The following VWA8 variants were observed in gnomAD, a reference collection of about 807,000 sequenced individuals.
The protein encoded by VWA8 is von Willebrand factor A domain containing 8.
VWA8 carries 221 observed loss-of-function variants against 241.5 expected under a neutral mutation model. The ratio of observed to expected loss-of-function variants is 0.91; its 90% CI spans 0.82 to 1.02. The LOEUF is 1.02. VWA8 is among the 50% of genes least tolerant of loss of function. The pLI, the probability that VWA8 is intolerant of heterozygous loss-of-function variation, is 0.00. For missense variants in VWA8, 2,322 were observed against 2,328.7 expected, an observed-to-expected ratio of 1.00 and a Z score of 0.06; for synonymous variants, 852 against 827.1, an observed-to-expected ratio of 1.03 and a Z score of -0.52.
At chr13:41,903,180 C>G (rs922907986) in intron 4 of VWA8, among the ~76,000 whole-genome samples, 2 of 152,088 alleles carry the variant, frequency 1.3e-5, no homozygotes, top group African/African-American at 4.8e-5. Flanking sequence ...TGGAAATTAT[C>G]CATTGTGATG....
chr13:41,920,632 A>C (rs1482635373), intron 2 of VWA8, among the ~76,000 whole-genome samples: 1 of 152,234 alleles, frequency 6.6e-6, no homozygotes. Flanking sequence ...ACAGAAATAC[A>C]AACTACCATG....
rs886248935 is a variant in VWA8 at position 41,739,940 on chromosome 13, C to T, written c.2427-7785G>A. ...CACAATCTCAGCTCACTGCAAGCTCCGCCTCCCAGGTTCATGTCATTCTCC... is the reference window on the plus strand; with the variant it reads ...CACAATCTCAGCTCACTGCAAGCTCTGCCTCCCAGGTTCATGTCATTCTCC... On this transcript the variant is annotated intron_variant, in intron 21 of 44. Transcript: ENST00000379310. Among the ~76,000 whole-genome samples, 9 of 150,136 alleles carry T rather than the reference C, an allele frequency of 6.0e-5. No individual in the cohort carries two copies. In the East Asian group the frequency reaches 7.9e-4, roughly 13 times the overall value.
intron 4 of VWA8, chr13:41,905,213 T>G (rs1257019632): frequency 6.6e-6 from 1 of 151,966 alleles, no homozygotes; most frequent in Non-Finnish European, 1.5e-5. Flanking sequence ...TCATAAAGCA[T>G]TCCATTTTTT....
At chr13:41,771,317 T>C (rs2045821420) in intron 20 of VWA8, among the ~76,000 whole-genome samples, 1 of 152,108 alleles carries the variant, frequency 6.6e-6, no homozygotes, top group African/African-American at 2.4e-5. Context: ...GAGACAGAGT[T>C]TCACCATGTT....
intron 17 of VWA8, among the ~76,000 whole-genome samples, chr13:41,808,917 G>T (rs1196354896): frequency 6.6e-6 from 1 of 151,186 alleles, no homozygotes; most frequent in East Asian, 1.9e-4. Context: ...AAAGTTGCAG[G>T]ACACAAAATC....
rs1875788250 is a variant in VWA8, at chr13:41,907,663, G to A, written c.406C>T (p.Leu136=). 6.2e-7 allele frequency: 1 copy of A among 1,614,020 alleles called. No individual in the cohort carries two copies. The highest frequency in any genetic ancestry group is 1.3e-5 in the African/African-American group (1 of 74,936). ...TCAGTTTCAGTGGTGTCCCTTGACAGGGCAATGTATTCGACCTCCCGTTTG... is the reference window on the plus strand; with the variant it reads ...TCAGTTTCAGTGGTGTCCCTTGACAAGGCAATGTATTCGACCTCCCGTTTG... ...LTKREVEYIA[L]SRDTTETDLK... is the part of the protein sequence containing the mutation. Residue 136 remains leucine, a synonymous_variant, in exon 4 of 45, where the codon CTG becomes TTG. Transcript: ENST00000379310.
chr13:41,898,699 G>A (rs991513895), intron 4 of VWA8, among the ~76,000 whole-genome samples: 10 of 152,208 alleles, frequency 6.6e-5, no homozygotes, highest in African/African-American at 1.9e-4. Context: ...CAGGCATGGC[G>A]GGCTGCAGTC....
chr13:41,686,823 T>C (rs1451678754), intron 34 of VWA8, among the ~76,000 whole-genome samples: 3 of 152,114 alleles, frequency 2.0e-5, no homozygotes, highest in Non-Finnish European at 4.4e-5. Context: ...TGACAGCCCA[T>C]AGGGGCTGCA....
At chr13:41,765,176 G>C (rs759412774) in intron 20 of VWA8, among the ~76,000 whole-genome samples, 4 of 151,860 alleles carry the variant, frequency 2.6e-5, no homozygotes, top group African/African-American at 4.8e-5. Context: ...AATTAGCTGG[G>C]TGGGGGAGGG....
rs190546307 is a variant in VWA8 at position 41,829,476 on chromosome 13, G to A, written c.1700+1053C>T. On this transcript the variant is annotated intron_variant, in intron 14 of 44. Transcript: ENST00000379310. ...TAGCAACAGAATTCACAATTGCAAA[G>A]ATATGGAACCAACCTAAGTGCCTAT... 2.3e-4 allele frequency among the ~76,000 whole-genome samples: 34 copies of A among 150,948 alleles called. No individual in the cohort carries two copies. In the East Asian group the frequency reaches 6.6e-3, roughly 29 times the overall value.
At chr13:41,934,797 A>G (rs541151943) in intron 2 of VWA8, among the ~76,000 whole-genome samples, 5 of 152,172 alleles carry the variant, frequency 3.3e-5, no homozygotes, top group Admixed American at 3.3e-4. Flanking sequence ...TTGGGGAGAT[A>G]AATTTATTTG....
chr13:41,924,992 CAG>C lies in VWA8; in HGVS notation c.242-12826_242-12825del, dbSNP rs149364633. ...TTATAATTAGTCTGTCAGTCAAAGA[CAG>C]AGAGTTTTAAAAGCAGCAAAAGAAA... On this transcript the variant is annotated intron_variant, in intron 2 of 44. Transcript: ENST00000379310. Among the ~76,000 whole-genome samples the C allele has an allele frequency of 6.3e-3, 965 of 152,158 alleles. 9 individuals carry two copies. The highest frequency in any genetic ancestry group is 0.022 in the African/African-American group (922 of 41,510).
Position 41,934,443 on chromosome 13 carries a change from G to A in VWA8, c.241+15493C>T, listed in dbSNP as rs1877261186. ...AAAAGTTAAACATCTACCGCATGAT[G>A]CAGGTATTTACACAAGAAAAAAGAA... is the stretch of plus-strand genomic sequence containing the variant. On this transcript the variant is annotated intron_variant, in intron 2 of 44. Coordinates refer to ENST00000379310, the MANE Select transcript of VWA8 (RefSeq NM_015058.2). 2.0e-5 allele frequency among the ~76,000 whole-genome samples: 3 copies of A among 151,990 alleles called. No individual in the cohort carries two copies. In the South Asian group the frequency reaches 6.2e-4, roughly 31 times the overall value.
At chr13:41,698,414 G>C (rs1251293677) in intron 29 of VWA8, among the ~76,000 whole-genome samples, 1 of 152,032 alleles carries the variant, frequency 6.6e-6, no homozygotes, top group Non-Finnish European at 1.5e-5. Context: ...TGATATATGT[G>C]TTTTGTTTGG....
At chr13:41,628,489 T>C (rs1187044851) in intron 37 of VWA8, among the ~76,000 whole-genome samples, 1 of 152,226 alleles carries the variant, frequency 6.6e-6, no homozygotes, top group Non-Finnish European at 1.5e-5. Context: ...TGTATGCTTA[T>C]TGTAGCACTT....
chr13:41,945,548 C>T (rs181733100), intron 2 of VWA8, among the ~76,000 whole-genome samples: 2 of 152,204 alleles, frequency 1.3e-5, no homozygotes, highest in African/African-American at 4.8e-5. Flanking sequence ...ATGACAACAA[C>T]GTCTCATGAA....
intron 2 of VWA8, among the ~76,000 whole-genome samples, chr13:41,923,419 G>C (rs1396517141): frequency 6.6e-6 from 1 of 151,994 alleles, no homozygotes; most frequent in African/African-American, 2.4e-5. Flanking sequence ...ATGTACCCTA[G>C]AACTTAAAGT....
chr13:41,806,046 A>G (rs1242301775), intron 17 of VWA8, among the ~76,000 whole-genome samples: 1 of 151,558 alleles, frequency 6.6e-6, no homozygotes, highest in Non-Finnish European at 1.5e-5. Context: ...TTCTGTGACC[A>G]CAATGGAATA....
At chr13:41,752,655 G>C (rs1387733796) in intron 21 of VWA8, among the ~76,000 whole-genome samples, 1 of 152,144 alleles carries the variant, frequency 6.6e-6, no homozygotes. Context: ...AACTACTACA[G>C]TGCAAACCAA....
Sources: allele counts gnomAD v4.1 joint callset (sites outside exome capture counted in the v4.1 genomes callset), GRCh38; gene constraint gnomAD v4.1.1; transcripts MANE v1.5; gene names NCBI Gene and HGNC (gene_info 2026-07-23, HGNC 2026-07-21).